PDE7B: variants seen among roughly 807,000 people sequenced by gnomAD.
PDE7B encodes phosphodiesterase 7B, also known as 3',5'-cyclic-AMP phosphodiesterase 7B.
PDE7B carries 29 observed loss-of-function variants against 56.2 expected under a neutral mutation model. The ratio of observed to expected loss-of-function variants is 0.52; its 90% CI spans 0.38 to 0.70. The LOEUF (loss-of-function observed/expected upper bound fraction) is 0.70. Among genes scored for constraint, PDE7B ranks in the 30% least tolerant of loss-of-function variants. The pLI, the probability that PDE7B is intolerant of heterozygous loss-of-function variation, is 0.00. For missense variants in PDE7B, 490 were observed against 565.0 expected, an observed-to-expected ratio of 0.87 and a Z score of 1.35; for synonymous variants, 197 against 196.9, an observed-to-expected ratio of 1.00 and a Z score of 0.00.
intron 1 of PDE7B, among the ~76,000 whole-genome samples, chr6:135,852,552 A>T (rs1039579624): frequency 6.6e-6 from 1 of 152,230 alleles, no homozygotes; most frequent in Non-Finnish European, 1.5e-5. Context: ...AAGGTAGAAA[A>T]AAATCAATAG....
At chr6:135,886,185 C>T (rs574347031) in intron 1 of PDE7B, among the ~76,000 whole-genome samples, 4 of 152,088 alleles carry the variant, frequency 2.6e-5, no homozygotes, top group African/African-American at 7.2e-5. Context: ...TTAAGGACAC[C>T]ATAAGGTGTC....
chr6:136,060,198 A>C (rs1776813623), intron 2 of PDE7B, among the ~76,000 whole-genome samples: 1 of 152,246 alleles, frequency 6.6e-6, no homozygotes, highest in East Asian at 1.9e-4. Flanking sequence ...ATTTTTCCTG[A>C]ATAAGGATGA....
intron 2 of PDE7B, among the ~76,000 whole-genome samples, chr6:135,981,411 C>T (rs971410271): frequency 1.3e-5 from 2 of 151,654 alleles, no homozygotes; most frequent in African/African-American, 4.8e-5. Flanking sequence ...TTGTGCAGCA[C>T]ATGTACCCTA....
intron 1 of PDE7B, among the ~76,000 whole-genome samples, chr6:135,924,975 A>C (rs182367395): frequency 1.7e-3 from 245 of 148,372 alleles, no homozygotes; most frequent in African/African-American, 5.4e-3. Context: ...GTCAGCACAC[A>C]CTGTATTTCT....
chr6:136,038,199 GCAGCAGAAGCAGAAA>G, intron 2 of PDE7B: 1 of 1,299,406 alleles, frequency 7.7e-7, no homozygotes. Context: ...AGCAGCAGCA[GCAGCAGAAGCAGAAA>G]CAGCAGCAGC....
chr6:136,054,655 A>G (rs532976427), intron 2 of PDE7B, among the ~76,000 whole-genome samples: 65 of 152,180 alleles, frequency 4.3e-4, no homozygotes, highest in African/African-American at 1.5e-3. Flanking sequence ...CAGTATGGCC[A>G]TTTTCACGAT....
chr6:135,968,054 C>T (rs1033591450), intron 2 of PDE7B, among the ~76,000 whole-genome samples: 20 of 152,146 alleles, frequency 1.3e-4, no homozygotes, highest in South Asian at 2.1e-4. Context: ...AAACAAATGA[C>T]GCAAGCATCT....
intron 2 of PDE7B, chr6:136,035,205 C>G (rs1776307227): frequency 6.6e-6 from 1 of 152,100 alleles, no homozygotes; most frequent in Non-Finnish European, 1.5e-5. Context: ...GTGATCCAAA[C>G]TTCTGGCTGC....
intron 2 of PDE7B, among the ~76,000 whole-genome samples, chr6:135,960,730 C>T (rs73558745): frequency 2.8e-4 from 43 of 152,248 alleles, no homozygotes; most frequent in Non-Finnish European, 5.6e-4. Flanking sequence ...TCCCTCGTAC[C>T]GCCTCCTAGA....
At chr6:136,009,135 A>T (rs1301199939) in intron 2 of PDE7B, among the ~76,000 whole-genome samples, 2 of 152,130 alleles carry the variant, frequency 1.3e-5, no homozygotes, top group Non-Finnish European at 2.9e-5. Context: ...GTCAAAGATC[A>T]GATGGTTGTA....
chr6:135,966,952 G>A lies in PDE7B; in HGVS notation c.82+19428G>A, dbSNP rs1208252903. ...AGAAATGAGTGTGGCCCCATCTCCC[G>A]TGTTCTGTTTTCTAGCATTATACAG... On this transcript the variant is annotated intron_variant, in intron 2 of 12. Transcript: ENST00000308191. 3.9e-5 allele frequency among the ~76,000 whole-genome samples: 6 copies of A among 152,142 alleles called. 1 individual carries two copies. The highest frequency in any genetic ancestry group is 2.6e-4 in the Admixed American group (4 of 15,256).
intron 1 of PDE7B, among the ~76,000 whole-genome samples, chr6:135,875,100 A>G (rs1315821492): frequency 6.6e-6 from 1 of 151,768 alleles, no homozygotes. Context: ...CTTACTTTCA[A>G]CATTTCTGTG....
In PDE7B at chr6:136,080,544, C is replaced by T. The variant is rs183403363; in HGVS notation, c.83-28187C>T. Among the ~76,000 whole-genome samples, 26 of 152,182 alleles carry T rather than the reference C, an allele frequency of 1.7e-4. 1 individual carries two copies. Among genetic ancestry groups the T allele is most frequent in the Admixed American group, 1.6e-3 (25 of 15,284 alleles). The stretch of plus-strand genomic sequence containing the variant: ...CCCCAAAATGGTTCAGTCTGAAGTT[C>T]GTAGGAAGATGTGGAATCATTTCTC... On this transcript the variant is annotated intron_variant, in intron 2 of 12. Transcript: ENST00000308191.
chr6:136,038,286 A>C (rs1425160646), intron 2 of PDE7B: 1 of 1,297,122 alleles, frequency 7.7e-7, no homozygotes, highest in Non-Finnish European at 1.0e-6. Flanking sequence ...GGGGCACAAG[A>C]CAGAATGCCT....
intron 11 of PDE7B, among the ~76,000 whole-genome samples, chr6:136,181,703 G>T (rs571016847): frequency 6.6e-6 from 1 of 151,860 alleles, no homozygotes; most frequent in South Asian, 2.1e-4. Context: ...TGAGGTCAAT[G>T]TTTTCCACTC....
intron 2 of PDE7B, chr6:136,046,230 A>G (rs1043510953): frequency 4.8e-5 from 5 of 103,240 alleles, no homozygotes; most frequent in African/African-American, 1.4e-4. Context: ...TAAGAAGTGT[A>G]ATAAAAAAAT....
intron 8 of PDE7B, among the ~76,000 whole-genome samples, chr6:136,156,874 C>A (rs147771862): frequency 1.3e-5 from 2 of 152,108 alleles, no homozygotes; most frequent in Non-Finnish European, 2.9e-5. Context: ...TCACTATTAA[C>A]TATACTAAGG....
intron 1 of PDE7B, among the ~76,000 whole-genome samples, chr6:135,929,118 T>C (rs992535040): frequency 1.3e-5 from 2 of 152,182 alleles, no homozygotes; most frequent in Non-Finnish European, 2.9e-5. Flanking sequence ...ACAGTGTTGG[T>C]GTGGTAAATA....
chr6:135,950,844 T>C (rs1191609176), intron 2 of PDE7B, among the ~76,000 whole-genome samples: 1 of 152,204 alleles, frequency 6.6e-6, no homozygotes, highest in East Asian at 1.9e-4. Flanking sequence ...GAATATGCCA[T>C]TCTTATGGAA....
Sources: allele counts gnomAD v4.1 joint callset (sites outside exome capture counted in the v4.1 genomes callset), GRCh38; gene constraint gnomAD v4.1.1; transcripts MANE v1.5; gene names NCBI Gene and HGNC (gene_info 2026-07-23, HGNC 2026-07-21).